Variants in BICRAL observed in about 807,000 individuals in gnomAD.
The protein encoded by BICRAL is BICRA like chromatin remodeling complex associated protein.
BICRAL carries 8 observed loss-of-function variants against 91.8 expected under a neutral mutation model. That is an observed-to-expected ratio of 0.09 (90% confidence interval 0.05 to 0.16). The LOEUF (loss-of-function observed/expected upper bound fraction) is 0.16. BICRAL is among the 10% of genes least tolerant of loss of function. The probability of loss-of-function intolerance (pLI) is 1.00; values close to 1 mark genes in which losing one functional copy is unlikely to be tolerated. For missense variants in BICRAL, 1,038 were observed against 1,310.9 expected, an observed-to-expected ratio of 0.79 and a Z score of 3.21; for synonymous variants, 445 against 491.1, an observed-to-expected ratio of 0.91 and a Z score of 1.24.
At chr6:42,806,797 G>C (rs1426260487) in intron 1 of BICRAL, among the ~76,000 whole-genome samples, 2 of 151,860 alleles carry the variant, frequency 1.3e-5, no homozygotes, top group African/African-American at 4.8e-5. Context: ...TTACAAGCAT[G>C]AGCCACTGTG....
In BICRAL at chr6:42,829,416, GAACATTGTA is replaced by G; in HGVS notation, c.1087_1095del (p.Ile363_Asn365del). 1 of 1,614,174 alleles carries G rather than the reference GAACATTGTA, an allele frequency of 6.2e-7. No individual in the cohort carries two copies. On this transcript the variant is annotated inframe_deletion, in exon 6 of 13. Coordinates refer to ENST00000314073, the MANE Select transcript of BICRAL (RefSeq NM_001393499.1). ...CAGTAGTTGGTCCACACATGTCTGT[GAACATTGTA>G]AACCAACAGAACACAAGAAAGCCAG...
intron 1 of BICRAL, among the ~76,000 whole-genome samples, 158 bp downstream of exon 1, chr6:42,782,259 A>T (rs1762933093): frequency 6.7e-6 from 1 of 148,952 alleles, no homozygotes; most frequent in South Asian, 2.1e-4. Context: ...GAAAGGAGCA[A>T]ATTAAACACC....
At position 42,823,010 on chromosome 6, in the gene BICRAL, A is replaced by G; in HGVS notation, c.159+7A>G. On this transcript the variant is annotated splice_region_variant and intron_variant, in intron 5 of 12. Transcript: ENST00000314073. ...AATTTTCGCCAACTCTAGTGTGAGTATTGGAAACTAAATGCAATGATTGAA... is the reference window on the plus strand; with the variant it reads ...AATTTTCGCCAACTCTAGTGTGAGTGTTGGAAACTAAATGCAATGATTGAA... 6.4e-7 allele frequency: 1 copy of G among 1,555,502 alleles called. No individual in the cohort carries two copies. Among genetic ancestry groups the G allele is most frequent in the Non-Finnish European group, 8.9e-7 (1 of 1,126,622 alleles).
At chr6:42,852,293 A>T in intron 7 of BICRAL, 96 bp downstream of exon 7, 1 of 760,946 alleles carries the variant, frequency 1.3e-6, no homozygotes, top group Non-Finnish European at 2.4e-6. Flanking sequence ...TTCTGGCTTA[A>T]TCTCGTCTCC....
rs1762764438 is a variant in BICRAL at position 42,773,347 on chromosome 6, G to A, written c.-260-8492G>A. Among the ~76,000 whole-genome samples, 3 of 151,908 alleles carry A rather than the reference G, an allele frequency of 2.0e-5. No homozygotes were observed. The South Asian group carries it at 6.2e-4, about 32-fold the overall frequency. On this transcript the variant is annotated intron_variant, in intron 1 of 14. Coordinates refer to the BICRAL transcript ENST00000614467. Reference sequence around the variant, plus strand: ...CCCACCTCAGCCTCCCAAAGTGCTGGGATTACAGTCGTGAGCCACTGCACC... The same window carrying A: ...CCCACCTCAGCCTCCCAAAGTGCTGAGATTACAGTCGTGAGCCACTGCACC...
chr6:42,859,405 C>G (rs1460114117), intron 10 of BICRAL, among the ~76,000 whole-genome samples: 1 of 151,310 alleles, frequency 6.6e-6, no homozygotes, highest in Non-Finnish European at 1.5e-5. Context: ...AAAAAAAAAC[C>G]CACAGTGGGT....
intron 10 of BICRAL, among the ~76,000 whole-genome samples, chr6:42,859,117 A>C (rs555391144): frequency 6.6e-6 from 1 of 152,182 alleles, no homozygotes; most frequent in Admixed American, 6.5e-5. Context: ...AGGGCTGGGC[A>C]TGGTTCTTCA....
intron 1 of BICRAL, among the ~76,000 whole-genome samples, chr6:42,782,783 G>A (rs1040125122): frequency 8.6e-5 from 13 of 151,838 alleles, no homozygotes; most frequent in African/African-American, 3.1e-4. Context: ...GGCTCGGCGA[G>A]GGGAAGACGG....
intron 1 of BICRAL, among the ~76,000 whole-genome samples, chr6:42,798,989 A>G (rs943773908): frequency 9.9e-5 from 15 of 152,062 alleles, no homozygotes; most frequent in Non-Finnish European, 1.0e-4. Context: ...AATATTTTCA[A>G]TCTGTGGTCA....
At chr6:42,798,931 G>T (rs1026662887) in intron 1 of BICRAL, among the ~76,000 whole-genome samples, 1 of 114,046 alleles carries the variant, frequency 8.8e-6, no homozygotes, top group Non-Finnish European at 1.7e-5. Context: ...TTTAAAATTT[G>T]TATTATTTTT....
At chr6:42,794,155 C>T (rs905458354) in intron 1 of BICRAL, among the ~76,000 whole-genome samples, 1 of 152,048 alleles carries the variant, frequency 6.6e-6, no homozygotes, top group African/African-American at 2.4e-5. Flanking sequence ...GCACGGATTA[C>T]AGGCATGAGC....
rs58785533 is a variant in BICRAL at position 42,868,070 on chromosome 6, CTT to C, written c.*2640_*2641del. On this transcript the variant is annotated 3_prime_UTR_variant, in exon 13 of 13. Coordinates refer to ENST00000314073, the MANE Select transcript of BICRAL (RefSeq NM_001393499.1). ...TGTACTCAGTAACAAAAATCATTTT[CTT>C]TTTTTTTTTTTTTTTCTGTTGTGGA... is the stretch of plus-strand genomic sequence containing the variant. 28,586 of 123,962 alleles carry C rather than the reference CTT, an allele frequency of 0.23. 2,493 individuals carry two copies. The highest frequency in any genetic ancestry group is 0.25 in the Middle Eastern group (61 of 242). The allele number at this position is 123,962 out of a possible 1,614,324, so 7.7% of individuals were successfully genotyped here.
At chr6:42,833,142 G>C (rs556352576) in intron 6 of BICRAL, among the ~76,000 whole-genome samples, 1 of 148,852 alleles carries the variant, frequency 6.7e-6, no homozygotes, top group Non-Finnish European at 1.5e-5. Context: ...TGCAAGCTCC[G>C]CCTCCCGGGT....
At chr6:42,749,436 TTAGA>T (rs1399899614) in intron 1 of BICRAL, among the ~76,000 whole-genome samples, 1 of 152,118 alleles carries the variant, frequency 6.6e-6, no homozygotes, top group African/African-American at 2.4e-5. Flanking sequence ...AAGGCACAAG[TTAGA>T]TAGAGGGAAT....
chr6:42,811,835 G>C (rs536569109), intron 2 of BICRAL, among the ~76,000 whole-genome samples: 1 of 152,278 alleles, frequency 6.6e-6, no homozygotes, highest in African/African-American at 2.4e-5. Context: ...CCATCTGCAA[G>C]AGTGCAAAAA....
chr6:42,845,593 G>A (rs751467340), intron 6 of BICRAL, among the ~76,000 whole-genome samples: 1 of 151,988 alleles, frequency 6.6e-6, no homozygotes, highest in African/African-American at 2.4e-5. Context: ...GCCTCTTCAC[G>A]ACAGCATGGC....
chr6:42,840,496 C>T (rs561067342), intron 6 of BICRAL, among the ~76,000 whole-genome samples: 457 of 151,618 alleles, frequency 3.0e-3, no homozygotes, highest in African/African-American at 0.01. Flanking sequence ...CTGCCTCGGC[C>T]TCCCAAAGTG....
At chr6:42,782,993 T>G (rs1463720902) in intron 1 of BICRAL, among the ~76,000 whole-genome samples, 294 of 106,626 alleles carry the variant, frequency 2.8e-3, no homozygotes, top group Admixed American at 3.1e-3. Context: ...GGGGAGAGGG[T>G]GGGGAGGGAG....
intron 10 of BICRAL, among the ~76,000 whole-genome samples, chr6:42,857,659 T>C (rs981097302): frequency 4.2e-5 from 6 of 142,748 alleles, no homozygotes; most frequent in African/African-American, 1.4e-4. Flanking sequence ...TACCCTAATG[T>C]CAGAGTATTT....
Sources: allele counts gnomAD v4.1 joint callset (sites outside exome capture counted in the v4.1 genomes callset), GRCh38; gene constraint gnomAD v4.1.1; transcripts MANE v1.5; gene names NCBI Gene and HGNC (gene_info 2026-07-23, HGNC 2026-07-21).